The following MLLT3 variants were observed in gnomAD, a reference collection of about 807,000 sequenced individuals.
MLLT3 encodes the protein protein AF-9.
Under a neutral mutation model 53.2 loss-of-function variants are expected in MLLT3, and 4 were observed. The observed-to-expected ratio is 0.08, with a 90% confidence interval of 0.04 to 0.17. The LOEUF (loss-of-function observed/expected upper bound fraction) is 0.17, where lower values mean the gene tolerates loss of function less well. Among genes scored for constraint, MLLT3 ranks in the 10% least tolerant of loss-of-function variants. MLLT3 has a pLI of 1.00. For missense variants in MLLT3, 569 were observed against 684.0 expected, an observed-to-expected ratio of 0.83 and a Z score of 1.87; for synonymous variants, 283 against 230.6, an observed-to-expected ratio of 1.23 and a Z score of -2.06.
chr9:20,375,591 ATTTTTTTTTTTTTCTTTTCTT>A (rs1350516551), intron 5 of MLLT3, among the ~76,000 whole-genome samples: 1 of 126,142 alleles, frequency 7.9e-6, no homozygotes, highest in African/African-American at 3.8e-5. Context: ...TATTTCAGTA[ATTTTTTTTTTTTTCTTTTCTT>A]TTTTTTTTTT....
chr9:20,561,923 G>A (rs1819224397), intron 2 of MLLT3, among the ~76,000 whole-genome samples: 1 of 151,882 alleles, frequency 6.6e-6, no homozygotes, highest in East Asian at 1.9e-4. Context: ...AGAGTTTTGG[G>A]GTTTTGGTTT....
intron 2 of MLLT3, among the ~76,000 whole-genome samples, chr9:20,563,796 C>T (rs549874532): frequency 6.6e-6 from 1 of 152,006 alleles, no homozygotes; most frequent in Non-Finnish European, 1.5e-5. Flanking sequence ...ACGTTGGCGT[C>T]CAACACTGCT....
chr9:20,573,526 C>G (rs1257230102), intron 2 of MLLT3, among the ~76,000 whole-genome samples: 1 of 151,916 alleles, frequency 6.6e-6, no homozygotes, highest in East Asian at 1.9e-4. Context: ...AAATAAAAAA[C>G]TAAAATGGAA....
At chr9:20,564,416 T>G (rs1328368604) in intron 2 of MLLT3, among the ~76,000 whole-genome samples, 6 of 151,520 alleles carry the variant, frequency 4.0e-5, no homozygotes, top group Non-Finnish European at 8.8e-5. Flanking sequence ...AATAAATGAC[T>G]CCTGTATGTT....
chr9:20,432,688 C>G (rs894228854), intron 4 of MLLT3, among the ~76,000 whole-genome samples: 8 of 151,878 alleles, frequency 5.3e-5, no homozygotes, highest in African/African-American at 1.5e-4. Flanking sequence ...TTAATAAGAA[C>G]AACAGTTTAA....
chr9:20,423,835 C>T (rs1823077124), intron 4 of MLLT3, among the ~76,000 whole-genome samples: 1 of 151,578 alleles, frequency 6.6e-6, no homozygotes, highest in African/African-American at 2.4e-5. Context: ...TGGTGCATGC[C>T]TGTAGTTCCA....
chr9:20,467,690 G>A (rs150486910), intron 2 of MLLT3, among the ~76,000 whole-genome samples: 8 of 152,238 alleles, frequency 5.3e-5, no homozygotes, highest in East Asian at 1.9e-4. Context: ...CAAATAATGC[G>A]CAAAGCATAT....
At chr9:20,405,077 A>G (rs1373834229) in intron 5 of MLLT3, among the ~76,000 whole-genome samples, 1 of 152,202 alleles carries the variant, frequency 6.6e-6, no homozygotes, top group Non-Finnish European at 1.5e-5. Context: ...CCTCGTAGTA[A>G]CACTGGCCAT....
At chr9:20,564,215 A>G (rs1413564576) in intron 2 of MLLT3, among the ~76,000 whole-genome samples, 1 of 152,144 alleles carries the variant, frequency 6.6e-6, no homozygotes, top group Non-Finnish European at 1.5e-5. Flanking sequence ...CTCAGTGTAA[A>G]ATGTAAAACA....
chr9:20,522,346 T>C (rs541332203), intron 2 of MLLT3, among the ~76,000 whole-genome samples: 2 of 151,984 alleles, frequency 1.3e-5, no homozygotes, highest in African/African-American at 2.4e-5. Flanking sequence ...AAATGATAAA[T>C]TGGATATTAA....
At chr9:20,504,587 G>A (rs1340880071) in intron 2 of MLLT3, among the ~76,000 whole-genome samples, 1 of 152,172 alleles carries the variant, frequency 6.6e-6, no homozygotes, top group East Asian at 1.9e-4. Flanking sequence ...GTGGGTGGGG[G>A]CAGGTGGAGA....
At chr9:20,360,268 T>C (rs1821280590) in intron 8 of MLLT3, among the ~76,000 whole-genome samples, 1 of 152,186 alleles carries the variant, frequency 6.6e-6, no homozygotes, top group African/African-American at 2.4e-5. Flanking sequence ...ACATATATTA[T>C]TTGTCATCTT....
At chr9:20,415,431 C>T (rs1219775109) in intron 4 of MLLT3, 3 of 962,782 alleles carry the variant, frequency 3.1e-6, no homozygotes, top group Non-Finnish European at 3.7e-6. Flanking sequence ...TAAGTCCATA[C>T]TTACCATATT....
At chr9:20,489,116 G>C (rs1454478212) in intron 2 of MLLT3, among the ~76,000 whole-genome samples, 1 of 152,128 alleles carries the variant, frequency 6.6e-6, no homozygotes, top group Non-Finnish European at 1.5e-5. Flanking sequence ...ATTCCACAAA[G>C]TATATTAAAC....
chr9:20,355,198 A>G (rs55933320), intron 8 of MLLT3, among the ~76,000 whole-genome samples: 14 of 151,978 alleles, frequency 9.2e-5, no homozygotes, highest in Non-Finnish European at 1.9e-4. Context: ...CCATATGTAT[A>G]GCAGCTGAGT....
intron 4 of MLLT3, among the ~76,000 whole-genome samples, chr9:20,432,056 A>C (rs1823284907): frequency 6.6e-6 from 1 of 152,192 alleles, no homozygotes; most frequent in African/African-American, 2.4e-5. Context: ...TTTGTAATAT[A>C]ACATTTTTAT....
chr9:20,349,163 A>C (rs1353267206), intron 10 of MLLT3, among the ~76,000 whole-genome samples: 1 of 152,210 alleles, frequency 6.6e-6, no homozygotes, highest in Non-Finnish European at 1.5e-5. Flanking sequence ...TGGCATATCA[A>C]GTTCTGACTC....
At chr9:20,608,646 C>CA (rs917429982) in intron 2 of MLLT3, among the ~76,000 whole-genome samples, 4 of 151,882 alleles carry the variant, frequency 2.6e-5, no homozygotes, top group African/African-American at 9.7e-5. Flanking sequence ...CTCAAAACGA[C>CA]AAGGTGGCAA....
chr9:20,432,810 C>A (rs1229081313), intron 4 of MLLT3, among the ~76,000 whole-genome samples: 1 of 152,078 alleles, frequency 6.6e-6, no homozygotes, highest in East Asian at 1.9e-4. Context: ...AAAACTATTT[C>A]CCTTCACAGA....
Sources: allele counts gnomAD v4.1 joint callset (sites outside exome capture counted in the v4.1 genomes callset), GRCh38; gene constraint gnomAD v4.1.1; transcripts MANE v1.5; gene names NCBI Gene and HGNC (gene_info 2026-07-23, HGNC 2026-07-21).